The following ANKS1B variants were observed in gnomAD, a reference collection of about 807,000 sequenced individuals.
ANKS1B encodes the protein ankyrin repeat and sterile alpha motif domain containing 1B, also known as ankyrin repeat and sterile alpha motif domain-containing protein 1B.
Under a neutral mutation model 148.3 loss-of-function variants are expected in ANKS1B, and 36 were observed. That is an observed-to-expected ratio of 0.24 (90% CI 0.19 to 0.32). The LOEUF is 0.32. Among genes scored for constraint, ANKS1B ranks in the 10% least tolerant of loss-of-function variants. The probability of loss-of-function intolerance (pLI) is 1.00; values close to 1 mark genes in which losing one functional copy is unlikely to be tolerated. For missense variants in ANKS1B, 1,157 were observed against 1,542.6 expected (o/e 0.75, Z 4.19); for synonymous variants, 542 against 560.8 (o/e 0.97, Z 0.47).
At chr12:99,614,465 G>A (rs1308471190) in intron 9 of ANKS1B, among the ~76,000 whole-genome samples, 2 of 147,290 alleles carry the variant, frequency 1.4e-5, no homozygotes, top group African/African-American at 5.0e-5. Context: ...GGAAGAGGAG[G>A]GGAGGGGAGG....
At chr12:99,158,734 G>C (rs980084299) in intron 14 of ANKS1B, among the ~76,000 whole-genome samples, 3 of 152,042 alleles carry the variant, frequency 2.0e-5, no homozygotes, top group East Asian at 1.9e-4. Context: ...AGATTCTGTA[G>C]CACTTGAGCC....
intron 19 of ANKS1B, among the ~76,000 whole-genome samples, chr12:98,821,389 G>A (rs1184215720): frequency 6.6e-6 from 1 of 152,196 alleles, no homozygotes; most frequent in African/African-American, 2.4e-5. Context: ...CGGCCTGGCT[G>A]TTCATGGGAG....
At chr12:99,162,684 G>C (rs1361402157) in intron 14 of ANKS1B, among the ~76,000 whole-genome samples, 1 of 152,100 alleles carries the variant, frequency 6.6e-6, no homozygotes, top group East Asian at 1.9e-4. Flanking sequence ...ACGTATATGG[G>C]AGAGTATTTT....
At chr12:98,938,022 A>T (rs1201042489) in intron 17 of ANKS1B, among the ~76,000 whole-genome samples, 4 of 152,128 alleles carry the variant, frequency 2.6e-5, no homozygotes, top group Non-Finnish European at 4.4e-5. Context: ...ACCTCTTACC[A>T]GGTTCTTCCC....
At chr12:98,871,708 A>G (rs2099670126) in intron 17 of ANKS1B, among the ~76,000 whole-genome samples, 1 of 152,210 alleles carries the variant, frequency 6.6e-6, no homozygotes, top group African/African-American at 2.4e-5. Context: ...TTTTAATTAA[A>G]AAAACCATAT....
intron 9 of ANKS1B, among the ~76,000 whole-genome samples, chr12:99,647,333 T>C (rs1321278679): frequency 2.0e-5 from 3 of 152,206 alleles, no homozygotes. Context: ...AATCCCCTAT[T>C]GTAAGACACT....
intron 15 of ANKS1B, among the ~76,000 whole-genome samples, chr12:99,123,584 T>C (rs2063512772): frequency 6.6e-6 from 1 of 151,958 alleles, no homozygotes; most frequent in African/African-American, 2.4e-5. Flanking sequence ...TCCCCAAACC[T>C]CAAAAGTAGG....
At chr12:99,786,294 C>T (rs534737245) in intron 4 of ANKS1B, among the ~76,000 whole-genome samples, 1 of 152,232 alleles carries the variant, frequency 6.6e-6, no homozygotes, top group East Asian at 1.9e-4. Context: ...GTATGAACCC[C>T]AGGGGGTTAG....
intron 12 of ANKS1B, among the ~76,000 whole-genome samples, chr12:99,274,332 T>C (rs746784849): frequency 3.9e-5 from 6 of 152,176 alleles, no homozygotes; most frequent in Non-Finnish European, 8.8e-5. Context: ...TTCTTTTACT[T>C]ATCTCTGTTT....
chr12:99,000,235 G>A (rs1355110408), intron 17 of ANKS1B, among the ~76,000 whole-genome samples: 1 of 151,218 alleles, frequency 6.6e-6, no homozygotes, highest in Non-Finnish European at 1.5e-5. Context: ...GAAGTCAGGT[G>A]AAGGGCCTTC....
chr12:98,748,147 A>C (rs2097946451), intron 26 of ANKS1B, among the ~76,000 whole-genome samples: 1 of 152,226 alleles, frequency 6.6e-6, no homozygotes, highest in South Asian at 2.1e-4. Context: ...TGGATATCTC[A>C]ATTACTGATA....
chr12:99,717,451 G>A (rs543279301), intron 8 of ANKS1B, among the ~76,000 whole-genome samples: 1 of 152,170 alleles, frequency 6.6e-6, no homozygotes, highest in African/African-American at 2.4e-5. Flanking sequence ...CCTCCCCCAG[G>A]AGCTTGCTAC....
chr12:99,117,104 A>T (rs1392378924), intron 15 of ANKS1B, among the ~76,000 whole-genome samples: 1 of 152,230 alleles, frequency 6.6e-6, no homozygotes, highest in South Asian at 2.1e-4. Context: ...TTTTGGGCTG[A>T]GATGATGGGG....
chr12:98,991,649 T>C (rs1036873664), intron 17 of ANKS1B, among the ~76,000 whole-genome samples: 1 of 152,234 alleles, frequency 6.6e-6, no homozygotes, highest in African/African-American at 2.4e-5. Context: ...ACCTATTTAA[T>C]GTTCACAACT....
At chr12:98,884,805 CAA>C (rs35160751) in intron 17 of ANKS1B, among the ~76,000 whole-genome samples, 9 of 83,818 alleles carry the variant, frequency 1.1e-4, no homozygotes, top group Non-Finnish European at 9.4e-5. Flanking sequence ...GACTCCGTCT[CAA>C]AAAAAAAAAA....
rs904855822 is a variant in ANKS1B, at chr12:99,170,654, C to T, written c.2420-16259G>A. On this transcript the variant is annotated intron_variant, in intron 14 of 26. Transcript: ENST00000683438. ...TTTCCTTGCCCAGTTCTCTTTGTTT[C>T]CAACAGACAAAAATGCATGGGGTGA... Among the ~76,000 whole-genome samples the T allele has an allele frequency of 3.3e-5, 5 of 152,104 alleles. No individual in the cohort carries two copies. In the East Asian group the frequency reaches 9.6e-4, roughly 29 times the overall value.
chr12:99,968,464 A>C (rs1201758517), intron 1 of ANKS1B, among the ~76,000 whole-genome samples: 6 of 152,194 alleles, frequency 3.9e-5, no homozygotes, highest in African/African-American at 1.4e-4. Flanking sequence ...AGGCTGAGGC[A>C]GGAGAATGGC....
chr12:99,379,651 C>A (rs1417897733), intron 12 of ANKS1B, among the ~76,000 whole-genome samples: 1 of 152,118 alleles, frequency 6.6e-6, no homozygotes. Flanking sequence ...GAAGTGATTA[C>A]ACAAGTACAA....
chr12:99,664,058 TAGAA>T (rs769064568), intron 8 of ANKS1B, among the ~76,000 whole-genome samples: 30 of 152,206 alleles, frequency 2.0e-4, no homozygotes, highest in Non-Finnish European at 4.0e-4. Context: ...ATTTCAATAT[TAGAA>T]AGAGCTAAGT....
Sources: allele counts gnomAD v4.1 joint callset (sites outside exome capture counted in the v4.1 genomes callset), GRCh38; gene constraint gnomAD v4.1.1; transcripts MANE v1.5; gene names NCBI Gene and HGNC (gene_info 2026-07-23, HGNC 2026-07-21).